The following C9orf43 variants were observed in gnomAD, a reference collection of about 807,000 sequenced individuals.
C9orf43 encodes the protein chromosome 9 open reading frame 43.
A neutral mutation model predicts 59.1 loss-of-function variants in C9orf43; 45 were observed. That is an observed-to-expected ratio of 0.76 (90% CI 0.60 to 0.98). C9orf43 has a LOEUF of 0.98. C9orf43 is among the 50% of genes least tolerant of loss of function. The pLI is 0.00. For missense variants in C9orf43, 533 were observed against 554.9 expected, an observed-to-expected ratio of 0.96 and a Z score of 0.40; for synonymous variants, 203 against 196.8, an observed-to-expected ratio of 1.03 and a Z score of -0.26.
At chr9:113,421,671 A>G (rs1346975016) in intron 5 of C9orf43, among the ~76,000 whole-genome samples, 1 of 152,170 alleles carries the variant, frequency 6.6e-6, no homozygotes, top group African/African-American at 2.4e-5. Flanking sequence ...GCTTGCTAAT[A>G]TTGACAACCA....
intron 11 of C9orf43, among the ~76,000 whole-genome samples, chr9:113,427,406 A>G (rs538726807): frequency 6.6e-6 from 1 of 152,120 alleles, no homozygotes; most frequent in Non-Finnish European, 1.5e-5. Context: ...CGAACTCCCA[A>G]CCTCAGGTGA....
chr9:113,427,277 G>A (rs567537492), intron 11 of C9orf43, among the ~76,000 whole-genome samples: 1 of 152,248 alleles, frequency 6.6e-6, no homozygotes, highest in East Asian at 1.9e-4. Flanking sequence ...CCAGGTTCAA[G>A]CAATTCTCCT....
chr9:113,429,023 G>A (rs977223771), intron 13 of C9orf43, 60 bp downstream of exon 13: 2 of 1,538,290 alleles, frequency 1.3e-6, no homozygotes, highest in African/African-American at 1.4e-5. Context: ...AGTTGAACCT[G>A]TGTTGACCAG....
intron 4 of C9orf43, among the ~76,000 whole-genome samples, chr9:113,419,641 A>G (rs775766761): frequency 6.6e-5 from 10 of 152,236 alleles, no homozygotes; most frequent in African/African-American, 2.2e-4. Context: ...TTTCTGCCCT[A>G]TTCTGTTTTA....
At position 113,423,420 on chromosome 9, in the gene C9orf43, A is replaced by T. The variant is rs377628510; in HGVS notation, c.578A>T (p.Gln193Leu). 1.9e-5 allele frequency: 30 copies of T among 1,613,966 alleles called. No homozygotes were observed. Among genetic ancestry groups the T allele is most frequent in the Admixed American group, 1.2e-4 (7 of 59,992 alleles). Reference sequence around the variant, plus strand: ...ATCGTGCCTCCCCCAACCCCAGTGCAATTGTCTGAACAATTCAGTTCAGAT... The same window carrying T: ...ATCGTGCCTCCCCCAACCCCAGTGCTATTGTCTGAACAATTCAGTTCAGAT... ...GMIVPPPTPV[Q>L]LSEQFSSDFL... Residue 193 changes from glutamine (Q) to leucine (L), a missense_variant, in exon 7 of 14, where the codon CAA becomes CTA. Physicochemically the swap from Gln to Leu is moderately radical, Grantham distance 113. Transcript: ENST00000374165.
At chr9:113,421,597 G>A (rs2119084031) in intron 5 of C9orf43, among the ~76,000 whole-genome samples, 1 of 152,190 alleles carries the variant, frequency 6.6e-6, no homozygotes, top group African/African-American at 2.4e-5. Context: ...GTGTACAAAA[G>A]CAATAGCATA....
At chr9:113,428,793 T>C in intron 12 of C9orf43, 107 bp from the exon 13 acceptor site, 1 of 972,940 alleles carries the variant, frequency 1.0e-6, no homozygotes, top group Non-Finnish European at 1.6e-6. Context: ...GGTGGGTCTC[T>C]GGCTCATCTT....
chr9:113,419,279 A>G (rs1828484608), intron 4 of C9orf43, 114 bp downstream of exon 4: 1 of 741,144 alleles, frequency 1.3e-6, no homozygotes, highest in Admixed American at 2.6e-5. Flanking sequence ...CTGAATAGTA[A>G]TGTTGATAGT....
Position 113,410,911 on chromosome 9 carries a change from T to C in C9orf43, c.-140T>C. ...CAGATTCTCCCACTTTCTTTTTTCT[T>C]TCCTGGAATGGAGTGGGCAGTCTTT... is the stretch of plus-strand genomic sequence containing the variant. On this transcript the variant is annotated 5_prime_UTR_variant, in exon 1 of 14. Coordinates refer to ENST00000374165, the MANE Select transcript of C9orf43 (RefSeq NM_001278629.2). 1.0e-6 allele frequency: 1 copy of C among 984,930 alleles called. No homozygotes were observed. The highest frequency in any genetic ancestry group is 1.2e-6 in the Non-Finnish European group (1 of 828,912). The allele number at this position is 984,930 out of a possible 1,614,324, so 61.0% of individuals were successfully genotyped here.
chr9:113,419,211 C>A, intron 4 of C9orf43, 46 bp downstream of exon 4: 1 of 1,409,002 alleles, frequency 7.1e-7, no homozygotes, highest in Non-Finnish European at 9.9e-7. Flanking sequence ...TTTTTCTTTA[C>A]TAGTGGAAAT....
chr9:113,429,094 A>AT (rs953569769), intron 13 of C9orf43, 78 bp from the exon 14 acceptor site: 24 of 1,539,346 alleles, frequency 1.6e-5, no homozygotes, highest in Non-Finnish European at 2.2e-5. Flanking sequence ...AAAACACCCC[A>AT]TTTTTCCTTT....
chr9:113,417,777 G>A (rs951494663), intron 3 of C9orf43, among the ~76,000 whole-genome samples: 1 of 152,192 alleles, frequency 6.6e-6, no homozygotes, highest in African/African-American at 2.4e-5. Flanking sequence ...ATAGTTCATT[G>A]TGCCTAGAAC....
At chr9:113,427,949 G>A (rs1258212449) in intron 11 of C9orf43, among the ~76,000 whole-genome samples, 198 bp from the exon 12 acceptor site, 1 of 152,198 alleles carries the variant, frequency 6.6e-6, no homozygotes, top group Non-Finnish European at 1.5e-5. Context: ...CTCTAATTCT[G>A]TAATAGATGA....
rs892765376 is a variant in C9orf43, at chr9:113,413,593, G to A, written c.100G>A (p.Gly34Ser). Residue 34 changes from glycine (G) to serine (S), a missense_variant, in exon 2 of 14, where the codon GGC becomes AGC. Coordinates refer to ENST00000374165, the MANE Select transcript of C9orf43 (RefSeq NM_001278629.2). Reference protein sequence around the residue: ...CWATIRRIERGHPRILGSSCK... With the variant: ...CWATIRRIERSHPRILGSSCK... ...GGCAACTATCCGCCGCATTGAGAGGGGCCATCCTCGAATCCTCGGCTCATC... is the reference window on the plus strand; with the variant it reads ...GGCAACTATCCGCCGCATTGAGAGGAGCCATCCTCGAATCCTCGGCTCATC... 6.2e-7 allele frequency: 1 copy of A among 1,614,194 alleles called. No individual in the cohort carries two copies. Among genetic ancestry groups the A allele is most frequent in the Non-Finnish European group, 8.5e-7 (1 of 1,180,026 alleles).
intron 4 of C9orf43, 51 bp downstream of exon 4, chr9:113,419,216 G>C: frequency 7.5e-7 from 1 of 1,339,798 alleles, no homozygotes; most frequent in Non-Finnish European, 1.1e-6. Context: ...CTTTACTAGT[G>C]GAAATAAACT....
At chr9:113,412,768 C>T (rs188732892) in intron 1 of C9orf43, among the ~76,000 whole-genome samples, 10 of 152,316 alleles carry the variant, frequency 6.6e-5, no homozygotes, top group Non-Finnish European at 1.5e-4. Context: ...CAGGACCCCT[C>T]CCCCTACTTG....
At chr9:113,414,139 T>C (rs2119056623) in intron 3 of C9orf43, among the ~76,000 whole-genome samples, 1 of 152,346 alleles carries the variant, frequency 6.6e-6, no homozygotes, top group Admixed American at 6.5e-5. Context: ...ATAGACTGGG[T>C]GCCTTAAACA....
At chr9:113,416,320 C>T (rs1828356327) in intron 3 of C9orf43, among the ~76,000 whole-genome samples, 1 of 152,354 alleles carries the variant, frequency 6.6e-6, no homozygotes, top group South Asian at 2.1e-4. Flanking sequence ...CTCAAACCTC[C>T]CAACTCTAGA....
chr9:113,423,037 G>A (rs1201982241), intron 6 of C9orf43, among the ~76,000 whole-genome samples: 1 of 152,140 alleles, frequency 6.6e-6, no homozygotes, highest in Admixed American at 6.5e-5. Flanking sequence ...CCCATCCCTA[G>A]CCCTGTGCCT....
Sources: gnomAD v4.1 joint callset for allele counts (sites outside exome capture counted in the v4.1 genomes callset) on GRCh38, gnomAD v4.1.1 for gene constraint, MANE v1.5 for transcripts, NCBI Gene and HGNC (gene_info 2026-07-23, HGNC 2026-07-21) for gene names.